Variants in EMSY observed in about 807,000 individuals in gnomAD.
EMSY encodes the protein EMSY transcriptional repressor, BRCA2 interacting, also known as BRCA2-interacting transcriptional repressor EMSY.
In EMSY, 26 loss-of-function variants were observed where a neutral mutation model predicts 134.6. That is an observed-to-expected ratio of 0.19 (90% CI 0.14 to 0.27). The LOEUF (loss-of-function observed/expected upper bound fraction) is 0.27, where lower values mean the gene tolerates loss of function less well. Ranked by LOEUF, EMSY falls within the 10% of genes least tolerant of loss-of-function variation. The pLI is 1.00. For synonymous variants in EMSY, 579 were observed against 577.8 expected (o/e 1.00, Z -0.03); for missense variants, 1,305 against 1,611.4 (o/e 0.81, Z 3.26).
At chr11:76,538,041 A>G (rs1951290477) in intron 16 of EMSY, 91 bp downstream of exon 17, 1 of 1,166,518 alleles carries the variant, frequency 8.6e-7, no homozygotes, top group South Asian at 2.2e-5. Context: ...TATATTCTTT[A>G]TATTTTTAGC....
intron 7 of EMSY, among the ~76,000 whole-genome samples, chr11:76,471,417 T>C (rs1355242005): frequency 6.6e-6 from 1 of 152,196 alleles, no homozygotes; most frequent in East Asian, 1.9e-4. Context: ...ATTAATGCAT[T>C]AATGTTAATT....
At chr11:76,542,109 C>T in intron 17 of EMSY, 107 bp from the exon 19 acceptor site, 1 of 1,413,344 alleles carries the variant, frequency 7.1e-7, no homozygotes, top group East Asian at 2.3e-5. Context: ...CACAATACTA[C>T]ACTTTCTTTC....
intron 9 of EMSY, among the ~76,000 whole-genome samples, chr11:76,505,886 G>A (rs1019364751): frequency 5.9e-5 from 9 of 151,462 alleles, no homozygotes; most frequent in South Asian, 2.1e-4. Context: ...ATTTCAGGCC[G>A]AGCACAGTGG....
chr11:76,548,832 G>T (rs1294375294), intron 20 of EMSY, among the ~76,000 whole-genome samples: 1 of 152,172 alleles, frequency 6.6e-6, no homozygotes, highest in Non-Finnish European at 1.5e-5. Context: ...AGGCATATTT[G>T]CAAAGTGCTG....
At chr11:76,477,584 G>C (rs1322585662) in intron 8 of EMSY, among the ~76,000 whole-genome samples, 1 of 152,078 alleles carries the variant, frequency 6.6e-6, no homozygotes, top group East Asian at 1.9e-4. Context: ...ATGTTTGGAA[G>C]GAGTAATTTT....
intron 20 of EMSY, chr11:76,546,938 G>T: frequency 2.8e-6 from 1 of 358,256 alleles, no homozygotes; most frequent in South Asian, 2.2e-5. Context: ...GTAAGTACAG[G>T]CTAATTAACA....
intron 1 of EMSY, 98 bp from the exon 2 acceptor site, chr11:76,446,802 G>T: frequency 1.5e-6 from 1 of 660,144 alleles, no homozygotes; most frequent in Non-Finnish European, 2.6e-6. Flanking sequence ...ATATCTTTTT[G>T]GTTTACTTCT....
At chr11:76,500,741 A>G (rs1189093088) in intron 9 of EMSY, among the ~76,000 whole-genome samples, 1 of 152,258 alleles carries the variant, frequency 6.6e-6, no homozygotes, top group Non-Finnish European at 1.5e-5. Context: ...CTGTAAGTAT[A>G]CCCAGAGCAG....
chr11:76,496,350 T>C (rs962089538), exon 9 of EMSY: 2 of 1,614,062 alleles, frequency 1.2e-6, no homozygotes, highest in Non-Finnish European at 1.7e-6. Context: ...TTATATCAAG[T>C]GCAACAGCAG....
intron 7 of EMSY, among the ~76,000 whole-genome samples, chr11:76,467,074 A>G (rs112049551): frequency 6.6e-6 from 1 of 152,182 alleles, no homozygotes; most frequent in African/African-American, 2.4e-5. Context: ...TCATATATAG[A>G]AATTAACTAT....
chr11:76,535,450 A>G (rs528283011), intron 14 of EMSY, among the ~76,000 whole-genome samples: 24 of 152,294 alleles, frequency 1.6e-4, no homozygotes, highest in African/African-American at 5.5e-4. Context: ...GGTGCATTGG[A>G]GAAAATAAGA....
At chr11:76,469,561 A>G (rs1359885054) in intron 7 of EMSY, among the ~76,000 whole-genome samples, 1 of 152,236 alleles carries the variant, frequency 6.6e-6, no homozygotes, top group Admixed American at 6.5e-5. Flanking sequence ...CACATTTATT[A>G]AGTAGTAGTA....
chr11:76,457,316 G>T (rs568479057), intron 4 of EMSY, among the ~76,000 whole-genome samples: 3 of 152,094 alleles, frequency 2.0e-5, no homozygotes, highest in African/African-American at 7.2e-5. Flanking sequence ...TGATTATTTC[G>T]GAGTGAATTT....
In EMSY at chr11:76,519,355, G is replaced by C. The variant is rs558100421; in HGVS notation, c.1684+3043G>C. The stretch of plus-strand genomic sequence containing the variant: ...GCTGGTATTATAGGCGTCAGTTACT[G>C]CACCTGGCCAATTCATATTTTATAG... On this transcript the variant is annotated intron_variant, in intron 11 of 20. Coordinates refer to ENST00000334736, the Ensembl canonical transcript of EMSY. Among the ~76,000 whole-genome samples the C allele has an allele frequency of 7.2e-4, 109 of 152,272 alleles. 1 individual carries two copies. The highest frequency in any genetic ancestry group is 2.5e-3 in the African/African-American group (105 of 41,564).
chr11:76,546,050 C>A, exon 20 of EMSY: 2 of 1,614,168 alleles, frequency 1.2e-6, no homozygotes, highest in South Asian at 2.2e-5. Context: ...AAGGCTCTTG[C>A]CACTAGCATG....
chr11:76,472,809 A>G lies in EMSY; in HGVS notation c.1077A>G (p.Thr359=), dbSNP rs201134518. ...CAGTAACAGCTGTGGTGTCCTCTAC[A>G]CCATCTGTGGTCATGTCAACAGTAG... Residue 359 remains threonine, a synonymous_variant, in exon 8 of 21, where the codon ACA becomes ACG. Coordinates refer to ENST00000334736, the Ensembl canonical transcript of EMSY. 7 of 1,614,152 alleles carry G rather than the reference A, an allele frequency of 4.3e-6. No homozygotes were observed. The Admixed American group carries it at 1.0e-4, about 23-fold the overall frequency.
chr11:76,472,788 A>G (rs759642236), exon 8 of EMSY: 1 of 1,614,016 alleles, frequency 6.2e-7, no homozygotes, highest in Non-Finnish European at 8.5e-7. Flanking sequence ...CAGTTGCAGT[A>G]ACAGCTGTGG....
intron 13 of EMSY, 140 bp from the exon 15 acceptor site, chr11:76,528,128 A>G: frequency 1.4e-6 from 1 of 708,554 alleles, no homozygotes; most frequent in Non-Finnish European, 2.3e-6. Flanking sequence ...TTACCCTTTG[A>G]TGAGCAATGC....
At chr11:76,543,145 A>T (rs1414573773) in intron 18 of EMSY, among the ~76,000 whole-genome samples, 4 of 152,178 alleles carry the variant, frequency 2.6e-5, no homozygotes, top group African/African-American at 4.8e-5. Flanking sequence ...TGCCTCTGTT[A>T]AATAGTTATA....
Sources: allele counts gnomAD v4.1 joint callset (sites outside exome capture counted in the v4.1 genomes callset), GRCh38; gene constraint gnomAD v4.1.1; transcripts MANE v1.5; gene names NCBI Gene and HGNC (gene_info 2026-07-23, HGNC 2026-07-21).